PLCB1: variants seen among roughly 807,000 people sequenced by gnomAD.
The protein encoded by PLCB1 is 1-phosphatidylinositol 4,5-bisphosphate phosphodiesterase beta-1.
PLCB1 carries 46 observed loss-of-function variants against 161.8 expected under a neutral mutation model. The observed-to-expected ratio is 0.28, with a 90% CI of 0.22 to 0.36. PLCB1 has a LOEUF of 0.36. PLCB1 is among the 10% of genes least tolerant of loss of function. The pLI is 1.00. For synonymous variants in PLCB1, 517 were observed against 503.7 expected (o/e 1.03, Z -0.35); for missense variants, 1,016 against 1,472.5 (o/e 0.69, Z 5.07).
chr20:8,416,670 A>G (rs935884341), intron 3 of PLCB1, among the ~76,000 whole-genome samples: 13 of 152,130 alleles, frequency 8.5e-5, no homozygotes, highest in African/African-American at 2.6e-4. Context: ...AGAGCATGGG[A>G]TTTAACATGT....
intron 31 of PLCB1, among the ~76,000 whole-genome samples, chr20:8,837,456 T>C (rs1053656411): frequency 6.6e-6 from 1 of 152,202 alleles, no homozygotes; most frequent in African/African-American, 2.4e-5. Context: ...TTGATATGGA[T>C]AAAGGAAGCA....
intron 31 of PLCB1, among the ~76,000 whole-genome samples, chr20:8,800,869 G>A (rs1403541087): frequency 2.0e-5 from 3 of 152,030 alleles, no homozygotes; most frequent in Non-Finnish European, 4.4e-5. Context: ...TATAATTGTT[G>A]AGTACCAACT....
Position 8,697,606 on chromosome 20 carries a change from G to C in PLCB1, c.1010-20G>C. Reference sequence around the variant, plus strand: ...CTTGCTTCATGGGAATCTGGGGTTTGTTTTGTTGGTGTTTTATAGCTGGCC... The same window carrying C: ...CTTGCTTCATGGGAATCTGGGGTTTCTTTTGTTGGTGTTTTATAGCTGGCC... On this transcript the variant is annotated intron_variant, in intron 10 of 31. Coordinates refer to ENST00000338037, the MANE Select transcript of PLCB1 (RefSeq NM_015192.4). The C allele has an allele frequency of 6.2e-7, 1 of 1,613,590 alleles. No homozygotes were observed. Among genetic ancestry groups the C allele is most frequent in the Non-Finnish European group, 8.5e-7 (1 of 1,179,678 alleles).
chr20:8,421,023 A>G (rs1311275564), intron 3 of PLCB1, among the ~76,000 whole-genome samples: 3 of 152,220 alleles, frequency 2.0e-5, no homozygotes, highest in Non-Finnish European at 4.4e-5. Context: ...CTCTAGGAAG[A>G]GACACACTGA....
At chr20:8,845,146 C>T (rs6133628) in intron 31 of PLCB1, among the ~76,000 whole-genome samples, 48,488 of 151,390 alleles carry the variant, frequency 0.32, 8,694 homozygotes, top group East Asian at 0.63. Context: ...AAATAAAGTA[C>T]TAGATTATGT....
chr20:8,207,231 G>C (rs770189568), intron 2 of PLCB1, among the ~76,000 whole-genome samples: 1 of 152,092 alleles, frequency 6.6e-6, no homozygotes, highest in African/African-American at 2.4e-5. Flanking sequence ...CATCCTACAG[G>C]GAAGAAAGTG....
chr20:8,225,263 T>TCGTTTTGTTTTGTTTCTTC (rs1979622575), intron 2 of PLCB1, among the ~76,000 whole-genome samples: 1 of 152,220 alleles, frequency 6.6e-6, no homozygotes. Flanking sequence ...AAGGGTTTTT[T>TCGTTTTGTTTTGTTTCTTC]TGTTTTGTTT....
chr20:8,643,105 T>C (rs1490570980), intron 4 of PLCB1, among the ~76,000 whole-genome samples: 1 of 152,238 alleles, frequency 6.6e-6, no homozygotes, highest in Non-Finnish European at 1.5e-5. Context: ...CTGTACTGTC[T>C]TTTTAAGTCC....
At chr20:8,246,634 G>T (rs1980894113) in intron 2 of PLCB1, among the ~76,000 whole-genome samples, 1 of 151,906 alleles carries the variant, frequency 6.6e-6, no homozygotes, top group African/African-American at 2.4e-5. Context: ...TTCATTCAGT[G>T]TAGGAAGCAA....
At chr20:8,137,860 TA>T (rs2051364658) in intron 1 of PLCB1, among the ~76,000 whole-genome samples, 1 of 152,060 alleles carries the variant, frequency 6.6e-6, no homozygotes. Context: ...ATGAAAACTT[TA>T]AAAAAAACCT....
chr20:8,672,547 G>A (rs1200763450), intron 9 of PLCB1, among the ~76,000 whole-genome samples: 1 of 151,944 alleles, frequency 6.6e-6, no homozygotes, highest in Non-Finnish European at 1.5e-5. Flanking sequence ...GTTCTTTGAT[G>A]CCATGATGTG....
At chr20:8,303,411 A>G (rs969010481) in intron 2 of PLCB1, among the ~76,000 whole-genome samples, 4 of 152,186 alleles carry the variant, frequency 2.6e-5, no homozygotes, top group Non-Finnish European at 5.9e-5. Context: ...ATAGATTTTA[A>G]AAGAAATTTA....
At chr20:8,507,425 G>A (rs1983682113) in intron 3 of PLCB1, among the ~76,000 whole-genome samples, 1 of 152,190 alleles carries the variant, frequency 6.6e-6, no homozygotes, top group African/African-American at 2.4e-5. Context: ...GTAGAAATTT[G>A]CTGATTTCAG....
chr20:8,779,787 C>T (rs947312650), intron 27 of PLCB1, among the ~76,000 whole-genome samples: 8 of 152,128 alleles, frequency 5.3e-5, no homozygotes, highest in African/African-American at 1.2e-4. Context: ...CTACAATTTC[C>T]GTTATTTGAA....
rs1182054378 is a variant in PLCB1 at position 8,657,195 on chromosome 20, AC to A, written c.608del (p.Pro203LeufsTer43). 1 of 1,600,040 alleles carries A rather than the reference AC, an allele frequency of 6.2e-7. No individual in the cohort carries two copies. Among genetic ancestry groups the A allele is most frequent in the Non-Finnish European group, 8.6e-7 (1 of 1,167,660 alleles). On this transcript the variant is annotated frameshift_variant, in exon 8 of 32. Coordinates refer to ENST00000338037, the MANE Select transcript of PLCB1 (RefSeq NM_015192.4). LOFTEE classifies it high-confidence loss of function. ...GTTTTATTTCCCAGAATGATTCAATACCTCAAGAAGATTTCACTCCAGAAGT... is the reference window on the plus strand; with the variant it reads ...GTTTTATTTCCCAGAATGATTCAATACTCAAGAAGATTTCACTCCAGAAGT... ...SLPSSRNDSI[P>X]QEDFTPEVYR... is the part of the protein sequence containing the mutation.
intron 2 of PLCB1, among the ~76,000 whole-genome samples, chr20:8,199,697 TTATC>T (rs1196313148): frequency 6.6e-6 from 1 of 152,170 alleles, no homozygotes; most frequent in Non-Finnish European, 1.5e-5. Flanking sequence ...AGTTTATAAC[TTATC>T]TTTTAACTTT....
chr20:8,309,278 C>A (rs1984279848), intron 2 of PLCB1, among the ~76,000 whole-genome samples: 1 of 152,086 alleles, frequency 6.6e-6, no homozygotes, highest in African/African-American at 2.4e-5. Flanking sequence ...TTGAAAATAT[C>A]CTTCTACGAG....
chr20:8,563,534 T>G (rs1236967846), intron 3 of PLCB1, among the ~76,000 whole-genome samples: 1 of 152,002 alleles, frequency 6.6e-6, no homozygotes, highest in Non-Finnish European at 1.5e-5. Context: ...AGCTAGAAAG[T>G]AGGTCTGAAA....
At chr20:8,155,578 T>C (rs1214648714) in intron 2 of PLCB1, among the ~76,000 whole-genome samples, 1 of 152,148 alleles carries the variant, frequency 6.6e-6, no homozygotes, top group African/African-American at 2.4e-5. Context: ...AACAAGAAAA[T>C]CTAGTGATTT....
Sources: gnomAD v4.1 joint callset for allele counts (sites outside exome capture counted in the v4.1 genomes callset) on GRCh38, gnomAD v4.1.1 for gene constraint, MANE v1.5 for transcripts, NCBI Gene and HGNC (gene_info 2026-07-23, HGNC 2026-07-21) for gene names.